The following FUS variants were observed in gnomAD, a reference collection of about 807,000 sequenced individuals.
FUS encodes the protein FUS RNA binding protein.
FUS carries 5 observed loss-of-function variants against 82.7 expected under a neutral mutation model. The ratio of observed to expected loss-of-function variants is 0.06; its 90% CI spans 0.03 to 0.13. The LOEUF (loss-of-function observed/expected upper bound fraction) is 0.13. Among genes scored for constraint, FUS ranks in the 10% least tolerant of loss-of-function variants. The probability of loss-of-function intolerance (pLI) is 1.00; values close to 1 mark genes in which losing one functional copy is unlikely to be tolerated. For synonymous variants in FUS, 281 were observed against 247.4 expected (o/e 1.14, Z -1.27); for missense variants, 512 against 707.8 (o/e 0.72, Z 3.14).
In FUS at chr16:31,184,416, G is replaced by C; in HGVS notation, c.523+20G>C. On this transcript the variant is annotated intron_variant, in intron 5 of 14. Transcript: ENST00000254108. Reference sequence around the variant, plus strand: ...GTGGAGGTGAGATGTCTTCAGCTTTGTCTGCAGCCCATTTTCTTTTTCTTT... The same window carrying C: ...GTGGAGGTGAGATGTCTTCAGCTTTCTCTGCAGCCCATTTTCTTTTTCTTT... 6.4e-7 allele frequency: 1 copy of C among 1,551,374 alleles called. No homozygotes were observed.
chr16:31,180,140 C>T lies in FUS; in HGVS notation c.-75C>T, dbSNP rs1413647268. The T allele has an allele frequency of 5.7e-6, 9 of 1,576,920 alleles. No homozygotes were observed. The highest frequency in any genetic ancestry group is 4.6e-5 in the East Asian group (2 of 43,256). ...AGCTTCGACGCAGGAGGCGGGGCTG[C>T]TCAGTCCTCCAGGCGTCGGTACTCA... On this transcript the variant is annotated 5_prime_UTR_variant, in exon 1 of 15. Transcript: ENST00000254108.
intron 7 of FUS, chr16:31,187,047 C>T: frequency 1.6e-6 from 1 of 620,800 alleles, no homozygotes; most frequent in South Asian, 1.9e-5. Context: ...CATCTTTTAC[C>T]AAATGGGTTT....
chr16:31,188,858 C>G (rs763390138), intron 8 of FUS: 39 of 529,308 alleles, frequency 7.4e-5, no homozygotes, highest in Non-Finnish European at 1.1e-4. Context: ...TCTGTGTGGT[C>G]TTGTTGGGCA....
chr16:31,193,824 T>C, downstream of FUS: 1 of 513,320 alleles, frequency 1.9e-6, no homozygotes, highest in Non-Finnish European at 3.8e-6. Context: ...AATTACTTTT[T>C]TTTTTTTAAG....
At chr16:31,180,939 G>T (rs899337362) in intron 1 of FUS, among the ~76,000 whole-genome samples, 2 of 151,932 alleles carry the variant, frequency 1.3e-5, no homozygotes, top group East Asian at 1.9e-4. Flanking sequence ...TGGAGACACG[G>T]TCTTCCTCTG....
At position 31,181,495 on chromosome 16, in the gene FUS, A is replaced by G. The variant is rs993426358; in HGVS notation, c.14-903A>G. Among the ~76,000 whole-genome samples the G allele has an allele frequency of 2.0e-5, 3 of 152,178 alleles. No individual in the cohort carries two copies. The East Asian group carries it at 5.8e-4, about 29-fold the overall frequency. On this transcript the variant is annotated intron_variant, in intron 1 of 14. Coordinates refer to ENST00000254108, the MANE Select transcript of FUS (RefSeq NM_004960.4). ...TTGACTTTCGCCTCCTAAGGCGAGC[A>G]GTTGCATGATCTCTGTCATTTGGGG...
chr16:31,194,806 T>G (rs771866657), downstream of FUS: 1 of 479,920 alleles, frequency 2.1e-6, no homozygotes, highest in Non-Finnish European at 4.1e-6. Context: ...AGGTTGCAAA[T>G]GTTTTGTGAA....
intron 4 of FUS, 80 bp downstream of exon 4, chr16:31,184,082 GCAGTT>G: frequency 6.2e-7 from 1 of 1,612,200 alleles, no homozygotes; most frequent in East Asian, 2.2e-5. Flanking sequence ...AGCAGTAGGA[GCAGTT>G]CAGAGGTGTA....
intron 8 of FUS, 138 bp downstream of exon 8, chr16:31,188,495 TAGC>T: frequency 1.1e-6 from 1 of 891,858 alleles, no homozygotes; most frequent in African/African-American, 1.7e-5. Context: ...TGTCCTTAGT[TAGC>T]AGTGAGAAGT....
rs1020172675 is a variant in FUS at position 31,183,046 on chromosome 16, G to A, written c.190+382G>A. Reference sequence around the variant, plus strand: ...TAAACCTGAGCAGCACTGAGATGTTGAAACTGTTCCATATTTCTTTTCCGT... The same window carrying A: ...TAAACCTGAGCAGCACTGAGATGTTAAAACTGTTCCATATTTCTTTTCCGT... On this transcript the variant is annotated intron_variant, in intron 3 of 14. Coordinates refer to ENST00000254108, the MANE Select transcript of FUS (RefSeq NM_004960.4). The A allele has an allele frequency of 8.7e-5, 27 of 311,398 alleles. 1 individual carries two copies. The highest frequency in any genetic ancestry group is 7.8e-4 in the South Asian group (26 of 33,366). The allele number at this position is 311,398 out of a possible 1,614,324, so 19.3% of individuals were successfully genotyped here.
rs746127106 is a variant in FUS, at chr16:31,191,492, C to A, written c.*54C>A. ...GCTTTTTGTCCTGTACCCAGTGTTACCCTCGTTATTTTGTAACCTTCCAAT... is the reference window on the plus strand; with the variant it reads ...GCTTTTTGTCCTGTACCCAGTGTTAACCTCGTTATTTTGTAACCTTCCAAT... On this transcript the variant is annotated 3_prime_UTR_variant, in exon 15 of 15. Coordinates refer to ENST00000254108, the MANE Select transcript of FUS (RefSeq NM_004960.4). The A allele has an allele frequency of 6.3e-6, 10 of 1,588,178 alleles. No individual in the cohort carries two copies. Among genetic ancestry groups the A allele is most frequent in the Admixed American group, 1.7e-5 (1 of 59,862 alleles).
At position 31,190,304 on chromosome 16, in the gene FUS, G is replaced by GGTGGCA. The variant is rs2079334559; in HGVS notation, c.1203_1208dup (p.Ser402_Gly403dup). On this transcript the variant is annotated inframe_insertion, in exon 12 of 15. Coordinates refer to ENST00000254108, the MANE Select transcript of FUS (RefSeq NM_004960.4). ...CATGGGCCGTGGAGGCTATGGAGGT[G>GGTGGCA]GTGGCAGTGGTGGTGGTGGCCGAGG... The GGTGGCA allele has an allele frequency of 6.2e-7, 1 of 1,614,168 alleles. No individual in the cohort carries two copies. Among genetic ancestry groups the GGTGGCA allele is most frequent in the Non-Finnish European group, 8.5e-7 (1 of 1,180,018 alleles).
chr16:31,181,928 A>G (rs2079185345), intron 1 of FUS, among the ~76,000 whole-genome samples: 1 of 152,126 alleles, frequency 6.6e-6, no homozygotes, highest in African/African-American at 2.4e-5. Context: ...CACTTGGCTG[A>G]TAACGCCAGT....
intron 6 of FUS, 23 bp downstream of exon 6, chr16:31,185,202 A>AG (rs1002379065): frequency 1.3e-6 from 2 of 1,594,264 alleles, no homozygotes; most frequent in Non-Finnish European, 1.7e-6. Flanking sequence ...TGAGCCAGGG[A>AG]GTATCTTTGG....
At chr16:31,194,499 T>C (rs1204191816), downstream of FUS, 1 of 499,678 alleles carries the variant, frequency 2.0e-6, no homozygotes, top group Non-Finnish European at 3.9e-6. Context: ...GGTCTTGCCA[T>C]GTTGCTCAGG....
downstream of FUS, chr16:31,191,947 A>G: frequency 1.9e-6 from 1 of 533,714 alleles, no homozygotes; most frequent in Non-Finnish European, 3.6e-6. Context: ...TGGCCCTTTT[A>G]ATGGTGAGGC....
intron 12 of FUS, 26 bp downstream of exon 12, chr16:31,190,424 A>G (rs1199914117): frequency 1.2e-6 from 2 of 1,613,910 alleles, no homozygotes; most frequent in Non-Finnish European, 8.5e-7. Context: ...TTTTTTTCTT[A>G]GTTCTCTTGC....
chr16:31,185,203 G>A (rs1448111526), intron 6 of FUS, 24 bp downstream of exon 6: 2 of 1,593,012 alleles, frequency 1.3e-6, no homozygotes, highest in Admixed American at 1.7e-5. Context: ...GAGCCAGGGA[G>A]TATCTTTGGT....
At chr16:31,181,287 T>C (rs1360832494) in intron 1 of FUS, among the ~76,000 whole-genome samples, 3 of 152,250 alleles carry the variant, frequency 2.0e-5, no homozygotes, top group Non-Finnish European at 4.4e-5. Flanking sequence ...CTGGTCCTCT[T>C]TCCCTTTTCC....
Sources: allele counts gnomAD v4.1 joint callset (sites outside exome capture counted in the v4.1 genomes callset), GRCh38; gene constraint gnomAD v4.1.1; transcripts MANE v1.5; gene names NCBI Gene and HGNC (gene_info 2026-07-23, HGNC 2026-07-21).